Variants in ROBO2 observed in about 807,000 individuals in gnomAD.
ROBO2 encodes roundabout guidance receptor 2.
In ROBO2, 53 loss-of-function variants were observed where a neutral mutation model predicts 160.8. The ratio of observed to expected loss-of-function variants is 0.33; its 90% CI spans 0.26 to 0.41. The LOEUF is 0.41. Ranked by LOEUF, ROBO2 falls within the 10% of genes least tolerant of loss-of-function variation. The pLI, the probability that ROBO2 is intolerant of heterozygous loss-of-function variation, is 1.00. For synonymous variants in ROBO2, 664 were observed against 611.7 expected, an observed-to-expected ratio of 1.09 and a Z score of -1.26; for missense variants, 1,577 against 1,722.4, an observed-to-expected ratio of 0.92 and a Z score of 1.49.
chr3:76,152,215 C>T (rs762817076), intron 2 of ROBO2, among the ~76,000 whole-genome samples: 5 of 152,110 alleles, frequency 3.3e-5, no homozygotes, highest in Non-Finnish European at 5.9e-5. Context: ...AGTGATAGGT[C>T]CTGCACTTTG....
chr3:76,300,789 C>T (rs1460138106), intron 2 of ROBO2, among the ~76,000 whole-genome samples: 1 of 151,992 alleles, frequency 6.6e-6, no homozygotes, highest in Admixed American at 6.6e-5. Context: ...GAATCGTCCC[C>T]ATGGTCATGT....
intron 2 of ROBO2, among the ~76,000 whole-genome samples, chr3:76,718,660 A>G (rs1422686866): frequency 6.6e-6 from 1 of 152,192 alleles, no homozygotes. Flanking sequence ...AGGTCTGAAG[A>G]GCTCTAATCT....
chr3:76,770,332 TACTC>T (rs904308370), intron 2 of ROBO2, among the ~76,000 whole-genome samples: 2 of 151,312 alleles, frequency 1.3e-5, no homozygotes, highest in Admixed American at 6.6e-5. Context: ...TCAGTGAAAA[TACTC>T]ACTTATTAAA....
chr3:77,054,913 CA>C (rs1343248809), intron 1 of ROBO2, among the ~76,000 whole-genome samples: 2 of 134,832 alleles, frequency 1.5e-5, no homozygotes, highest in African/African-American at 5.5e-5. Flanking sequence ...CTGCAGTCCA[CA>C]AAATCTCGCG....
chr3:76,112,188 T>C (rs2070262527), intron 2 of ROBO2, among the ~76,000 whole-genome samples: 1 of 152,142 alleles, frequency 6.6e-6, no homozygotes, highest in African/African-American at 2.4e-5. Flanking sequence ...TATTTTCCTA[T>C]CTCTTAGGAG....
chr3:77,112,403 C>T (rs1022070008), intron 2 of ROBO2, among the ~76,000 whole-genome samples: 1 of 151,740 alleles, frequency 6.6e-6, no homozygotes, highest in Non-Finnish European at 1.5e-5. Flanking sequence ...GCCACCACGC[C>T]TGGGTAATTT....
chr3:77,477,274 G>A (rs2084124052), intron 2 of ROBO2, 140 bp from the exon 3 acceptor site: 3 of 824,896 alleles, frequency 3.6e-6, no homozygotes, highest in East Asian at 2.4e-5. Context: ...ATATTTTAAG[G>A]TGGATGTAGC....
chr3:76,958,395 C>T (rs774209154), intron 2 of ROBO2, among the ~76,000 whole-genome samples: 2 of 152,208 alleles, frequency 1.3e-5, no homozygotes, highest in Non-Finnish European at 2.9e-5. Context: ...TCTGCTCTTC[C>T]TCTCCTCAGC....
chr3:76,473,772 A>G (rs1022471188), intron 2 of ROBO2, among the ~76,000 whole-genome samples: 1 of 152,174 alleles, frequency 6.6e-6, no homozygotes, highest in Non-Finnish European at 1.5e-5. Context: ...GTAAAAAAGA[A>G]TGAGACATTG....
chr3:77,066,944 A>T (rs1479980554), intron 1 of ROBO2, among the ~76,000 whole-genome samples: 1 of 151,818 alleles, frequency 6.6e-6, no homozygotes, highest in Non-Finnish European at 1.5e-5. Context: ...TTTAGTTTAA[A>T]TATTTTAAGA....
intron 2 of ROBO2, among the ~76,000 whole-genome samples, chr3:76,531,034 A>C (rs761922152): frequency 6.6e-6 from 1 of 152,198 alleles, no homozygotes; most frequent in Non-Finnish European, 1.5e-5. Context: ...CTGATGCATA[A>C]AGTTTTGCCT....
rs553842322 is a variant in ROBO2, at chr3:77,186,674, A to G, written c.388+88334A>G. On this transcript the variant is annotated intron_variant, in intron 2 of 25. Coordinates refer to ENST00000461745, the Ensembl canonical transcript of ROBO2. ...GTGTGTTAACAATCCTTGAAGGCTG[A>G]TATTAATAATTTCATTTTAGACATC... Among the ~76,000 whole-genome samples, 3 of 152,060 alleles carry G rather than the reference A, an allele frequency of 2.0e-5. No homozygotes were observed. The South Asian group carries it at 6.2e-4, about 32-fold the overall frequency.
chr3:76,585,182 C>T (rs1308425310), intron 2 of ROBO2, among the ~76,000 whole-genome samples: 2 of 152,142 alleles, frequency 1.3e-5, no homozygotes, highest in Non-Finnish European at 2.9e-5. Context: ...GCAATTTTTC[C>T]TCTGAGCAAT....
At chr3:76,276,271 T>A (rs1246295229) in intron 2 of ROBO2, among the ~76,000 whole-genome samples, 1 of 152,066 alleles carries the variant, frequency 6.6e-6, no homozygotes, top group Non-Finnish European at 1.5e-5. Context: ...GAGCAGAAAT[T>A]ATGTTTCTGT....
intron 2 of ROBO2, among the ~76,000 whole-genome samples, chr3:77,005,160 A>C (rs1578195499): frequency 1.3e-5 from 2 of 152,210 alleles, no homozygotes; most frequent in South Asian, 4.2e-4. Context: ...ACCTCTCCCC[A>C]TTCAAATGGC....
chr3:76,062,466 T>C (rs534160767), intron 2 of ROBO2, among the ~76,000 whole-genome samples: 2 of 152,290 alleles, frequency 1.3e-5, no homozygotes, highest in East Asian at 1.9e-4. Flanking sequence ...CCAGGTTTTG[T>C]CAGTCATAAA....
intron 2 of ROBO2, among the ~76,000 whole-genome samples, chr3:76,611,078 C>T (rs1340791232): frequency 2.6e-5 from 4 of 152,046 alleles, no homozygotes; most frequent in East Asian, 1.9e-4. Flanking sequence ...CATGGGTGGG[C>T]GTGGAAAAAC....
intron 2 of ROBO2, among the ~76,000 whole-genome samples, chr3:75,959,674 G>A (rs191544776): frequency 6.3e-4 from 96 of 151,726 alleles, no homozygotes; most frequent in Admixed American, 1.3e-3. Flanking sequence ...ATAAAATTAA[G>A]TTTAGTAGAA....
chr3:77,280,503 C>A (rs2153370361), intron 2 of ROBO2, among the ~76,000 whole-genome samples: 1 of 152,210 alleles, frequency 6.6e-6, no homozygotes, highest in Admixed American at 6.5e-5. Flanking sequence ...AGAGGATGGG[C>A]ATCTGTTTCT....
Sources: gnomAD v4.1 joint callset for allele counts (sites outside exome capture counted in the v4.1 genomes callset) on GRCh38, gnomAD v4.1.1 for gene constraint, MANE v1.5 for transcripts, NCBI Gene and HGNC (gene_info 2026-07-23, HGNC 2026-07-21) for gene names.